TRAPPC9: variants seen among roughly 807,000 people sequenced by gnomAD.
The protein encoded by TRAPPC9 is IKK2 binding protein.
TRAPPC9 carries 83 observed loss-of-function variants against 124.0 expected under a neutral mutation model. The ratio of observed to expected loss-of-function variants is 0.67; its 90% CI spans 0.56 to 0.80. The LOEUF is 0.80. TRAPPC9 is among the 30% of genes least tolerant of loss of function. The pLI is 0.00. For synonymous variants in TRAPPC9, 638 were observed against 617.5 expected (o/e 1.03, Z -0.49); for missense variants, 1,302 against 1,508.3 (o/e 0.86, Z 2.27).
chr8:140,186,927 A>T (rs2131052019), intron 17 of TRAPPC9, among the ~76,000 whole-genome samples: 1 of 152,340 alleles, frequency 6.6e-6, no homozygotes, highest in Non-Finnish European at 1.5e-5. Flanking sequence ...CCAGTTAAAA[A>T]ACACAACAGA....
chr8:140,025,576 A>G (rs949270135), intron 17 of TRAPPC9, among the ~76,000 whole-genome samples: 10 of 152,004 alleles, frequency 6.6e-5, no homozygotes, highest in Admixed American at 3.9e-4. Flanking sequence ...AAAAAAAAAA[A>G]AAAAGAAAAG....
At chr8:139,988,641 G>T (rs1468935726) in intron 19 of TRAPPC9, 85 bp downstream of exon 19, 3 of 880,702 alleles carry the variant, frequency 3.4e-6, no homozygotes, top group Non-Finnish European at 5.5e-6. Context: ...GAGGACTTGG[G>T]GTGGATTATC....
At chr8:140,196,790 A>G (rs1474138609) in intron 17 of TRAPPC9, among the ~76,000 whole-genome samples, 1 of 152,100 alleles carries the variant, frequency 6.6e-6, no homozygotes, top group East Asian at 1.9e-4. Flanking sequence ...CACACCTGTG[A>G]CACTAAAACA....
intron 16 of TRAPPC9, among the ~76,000 whole-genome samples, chr8:140,246,549 C>T (rs2063991552): frequency 6.6e-6 from 1 of 152,156 alleles, no homozygotes; most frequent in African/African-American, 2.4e-5. Flanking sequence ...ATATGAGAAC[C>T]CTAGTTCAAA....
intron 17 of TRAPPC9, among the ~76,000 whole-genome samples, chr8:140,048,110 T>C (rs1841738143): frequency 1.3e-5 from 2 of 152,232 alleles, no homozygotes; most frequent in Non-Finnish European, 2.9e-5. Flanking sequence ...ATGCCATCTT[T>C]GGAGATGGAC....
At chr8:139,792,775 T>C (rs1436182904) in intron 21 of TRAPPC9, among the ~76,000 whole-genome samples, 1 of 152,236 alleles carries the variant, frequency 6.6e-6, no homozygotes, top group Non-Finnish European at 1.5e-5. Flanking sequence ...GGGCTCAGCC[T>C]GCACCCCACC....
chr8:139,971,328 C>T (rs1179544225), intron 19 of TRAPPC9, among the ~76,000 whole-genome samples: 1 of 152,186 alleles, frequency 6.6e-6, no homozygotes, highest in Non-Finnish European at 1.5e-5. Flanking sequence ...GCTTCAGCCT[C>T]GGGAACCCAG....
At chr8:139,849,275 T>A (rs1412994764) in intron 21 of TRAPPC9, among the ~76,000 whole-genome samples, 1 of 152,172 alleles carries the variant, frequency 6.6e-6, no homozygotes, top group East Asian at 1.9e-4. Context: ...AAGACACTGC[T>A]CTCTTGACAC....
intron 17 of TRAPPC9, among the ~76,000 whole-genome samples, chr8:140,173,940 G>A (rs971458316): frequency 6.6e-5 from 10 of 152,122 alleles, no homozygotes; most frequent in Non-Finnish European, 1.2e-4. Context: ...TGTAAAATGG[G>A]GTTATTGTAA....
chr8:139,923,701 C>T (rs1224203976), intron 19 of TRAPPC9, among the ~76,000 whole-genome samples: 1 of 152,188 alleles, frequency 6.6e-6, no homozygotes, highest in African/African-American at 2.4e-5. Flanking sequence ...ACCTTTCTAG[C>T]ACCTGACTCA....
intron 11 of TRAPPC9, among the ~76,000 whole-genome samples, chr8:140,293,657 T>A (rs912188938): frequency 6.6e-6 from 1 of 151,718 alleles, no homozygotes; most frequent in South Asian, 2.1e-4. Flanking sequence ...TAGGTGGGAA[T>A]TGAACAATGA....
chr8:140,243,245 G>A (rs548485428), intron 16 of TRAPPC9, among the ~76,000 whole-genome samples: 71 of 152,282 alleles, frequency 4.7e-4, no homozygotes, highest in African/African-American at 1.6e-3. Flanking sequence ...TACCTGATCC[G>A]GAACACAAGT....
intron 17 of TRAPPC9, among the ~76,000 whole-genome samples, chr8:140,130,748 A>C (rs1302467146): frequency 6.6e-6 from 1 of 152,164 alleles, no homozygotes; most frequent in Non-Finnish European, 1.5e-5. Flanking sequence ...ACACACAGGA[A>C]AGTGCTTGGG....
intron 17 of TRAPPC9, among the ~76,000 whole-genome samples, chr8:140,203,330 T>C (rs1338259093): frequency 6.6e-6 from 1 of 152,248 alleles, no homozygotes; most frequent in Admixed American, 6.5e-5. Context: ...TCGTGATCTC[T>C]GGGCAGGAGG....
chr8:140,259,356 A>T (rs2064346250), intron 15 of TRAPPC9, among the ~76,000 whole-genome samples: 1 of 152,134 alleles, frequency 6.6e-6, no homozygotes, highest in Non-Finnish European at 1.5e-5. Context: ...CAAGCAGCTC[A>T]TTCTTCCACC....
chr8:139,903,247 C>G (rs749707457), intron 20 of TRAPPC9, among the ~76,000 whole-genome samples: 33 of 152,172 alleles, frequency 2.2e-4, no homozygotes, highest in Non-Finnish European at 4.1e-4. Context: ...GTATCTAAAG[C>G]CATTTGCCTT....
At chr8:139,941,492 A>ATGGCAGGAGGGCAGGCCAGGGGC (rs374168360) in intron 19 of TRAPPC9, among the ~76,000 whole-genome samples, 2 of 152,228 alleles carry the variant, frequency 1.3e-5, no homozygotes, top group South Asian at 4.1e-4. Flanking sequence ...AGGGCCCAGT[A>ATGGCAGGAGGGCAGGCCAGGGGC]TGGCAGGAGG....
At chr8:139,882,683 C>T (rs554349401) in intron 21 of TRAPPC9, among the ~76,000 whole-genome samples, 18 of 152,220 alleles carry the variant, frequency 1.2e-4, no homozygotes, top group African/African-American at 2.9e-4. Flanking sequence ...GAGACAGGTG[C>T]GGGTCTCAGA....
chr8:140,112,433 G>A lies in TRAPPC9; in HGVS notation c.2557-88354C>T, dbSNP rs2060798058. Among the ~76,000 whole-genome samples the A allele has an allele frequency of 2.0e-5, 3 of 152,042 alleles. No individual in the cohort carries two copies. The South Asian group carries it at 6.2e-4, about 31-fold the overall frequency. On this transcript the variant is annotated intron_variant, in intron 17 of 22. Transcript: ENST00000438773. ...GAGAATTCCAGACGATGGTGGGACAGGTGCGAGGAGAGTAATGGAGAATTC... is the reference window on the plus strand; with the variant it reads ...GAGAATTCCAGACGATGGTGGGACAAGTGCGAGGAGAGTAATGGAGAATTC...
Sources: allele counts gnomAD v4.1 joint callset (sites outside exome capture counted in the v4.1 genomes callset), GRCh38; gene constraint gnomAD v4.1.1; transcripts MANE v1.5; gene names NCBI Gene and HGNC (gene_info 2026-07-23, HGNC 2026-07-21).